Variants in STXBP5 observed in about 807,000 individuals in gnomAD.
The protein encoded by STXBP5 is syntaxin-binding protein 5.
STXBP5 carries 50 observed loss-of-function variants against 152.4 expected under a neutral mutation model. The observed-to-expected ratio is 0.33, with a 90% CI of 0.26 to 0.42. The LOEUF (loss-of-function observed/expected upper bound fraction) is 0.42, where lower values mean the gene tolerates loss of function less well. STXBP5 is among the 10% of genes least tolerant of loss of function. The pLI is 1.00. For synonymous variants in STXBP5, 492 were observed against 494.7 expected, an observed-to-expected ratio of 0.99 and a Z score of 0.07; for missense variants, 1,167 against 1,388.6, an observed-to-expected ratio of 0.84 and a Z score of 2.54.
chr6:147,271,948 A>G (rs1232270730), intron 7 of STXBP5, among the ~76,000 whole-genome samples: 1 of 152,140 alleles, frequency 6.6e-6, no homozygotes. Context: ...TCCAGTTTCT[A>G]CAGAAATACA....
At chr6:147,228,512 C>T (rs1157958781) in intron 2 of STXBP5, among the ~76,000 whole-genome samples, 1 of 152,006 alleles carries the variant, frequency 6.6e-6, no homozygotes, top group African/African-American at 2.4e-5. Flanking sequence ...TCTAAGGACC[C>T]ATGTTCATTA....
rs758958183 is a variant in STXBP5, at chr6:147,204,622, T to A, written c.90T>A (p.Pro30=). The A allele has an allele frequency of 2.5e-6, 4 of 1,610,408 alleles. No individual in the cohort carries two copies. In the Admixed American group the frequency reaches 6.7e-5, roughly 27 times the overall value. ...ASQQQQQQHP[P]GNREPEIQET... is the part of the protein sequence containing the mutation. ...AGCAGCAACAGCAGCAGCATCCGCC[T>A]GGGAACCGGGAGCCGGAGATCCAGG... Residue 30 remains proline, a synonymous_variant, in exon 1 of 28, where the codon CCT becomes CCA. Coordinates refer to ENST00000321680, the MANE Select transcript of STXBP5 (RefSeq NM_001127715.4). This position sits in a 1 kb window ranked among gnomAD's most constrained non-coding sequence, Gnocchi z 4.3.
At chr6:147,334,364 C>T in intron 19 of STXBP5, 142 bp downstream of exon 19, 1 of 661,576 alleles carries the variant, frequency 1.5e-6, no homozygotes, top group East Asian at 2.9e-5. Flanking sequence ...AAAATCTTAA[C>T]TGCATTCTTT....
chr6:147,348,390 G>A (rs1314062735), intron 21 of STXBP5, among the ~76,000 whole-genome samples: 2 of 149,014 alleles, frequency 1.3e-5, no homozygotes, highest in Non-Finnish European at 3.0e-5. Context: ...CCCACCCTGT[G>A]AAAGGCATGC....
At chr6:147,308,156 A>C (rs1406646570) in intron 9 of STXBP5, among the ~76,000 whole-genome samples, 1 of 152,182 alleles carries the variant, frequency 6.6e-6, no homozygotes, top group Non-Finnish European at 1.5e-5. Flanking sequence ...TCCTTGGATT[A>C]TTTGAATTCA....
At chr6:147,250,772 T>C (rs1779045543) in intron 4 of STXBP5, among the ~76,000 whole-genome samples, 1 of 152,122 alleles carries the variant, frequency 6.6e-6, no homozygotes, top group Non-Finnish European at 1.5e-5. Flanking sequence ...TGATATCTAA[T>C]TTATTAATAT....
intron 9 of STXBP5, among the ~76,000 whole-genome samples, chr6:147,294,744 G>A (rs1781437389): frequency 6.6e-6 from 1 of 152,098 alleles, no homozygotes; most frequent in Non-Finnish European, 1.5e-5. Context: ...AAATAGTTTT[G>A]CCAGTTGTGA....
intron 7 of STXBP5, among the ~76,000 whole-genome samples, chr6:147,267,662 T>C (rs1460115077): frequency 6.6e-6 from 1 of 152,126 alleles, no homozygotes; most frequent in Non-Finnish European, 1.5e-5. Flanking sequence ...GCATCCCCAT[T>C]GTCTTTAACA....
chr6:147,247,175 A>C (rs986489609), intron 4 of STXBP5, among the ~76,000 whole-genome samples: 3 of 152,248 alleles, frequency 2.0e-5, no homozygotes, highest in Non-Finnish European at 2.9e-5. Flanking sequence ...CACATGTTGA[A>C]CAAGGAAAAA....
chr6:147,206,088 A>G lies in STXBP5; in HGVS notation c.248+20A>G, dbSNP rs377524924. 6.3e-7 allele frequency: 1 copy of G among 1,598,862 alleles called. No individual in the cohort carries two copies. The highest frequency in any genetic ancestry group is 8.6e-7 in the Non-Finnish European group (1 of 1,166,450). On this transcript the variant is annotated intron_variant, in intron 2 of 27. Coordinates refer to ENST00000321680, the MANE Select transcript of STXBP5 (RefSeq NM_001127715.4). The stretch of plus-strand genomic sequence containing the variant: ...AAGGCTGTATCCTTTCTTTAATTTT[A>G]TTTTTTAACTTCTACTTTGTTCTCC...
chr6:147,247,087 A>G lies in STXBP5; in HGVS notation c.431+7817A>G, dbSNP rs192422821. Among the ~76,000 whole-genome samples, 12 of 152,348 alleles carry G rather than the reference A, an allele frequency of 7.9e-5. No individual in the cohort carries two copies. In the East Asian group the frequency reaches 2.3e-3, roughly 29 times the overall value. ...ATATTAGTAAGACATAACCTTAGAC[A>G]GTTATAAAAGAGTGTTTGGCTGAGT... is the stretch of plus-strand genomic sequence containing the variant. On this transcript the variant is annotated intron_variant, in intron 4 of 27. Coordinates refer to ENST00000321680, the MANE Select transcript of STXBP5 (RefSeq NM_001127715.4).
At chr6:147,369,126 T>C (rs1785428938) in intron 25 of STXBP5, among the ~76,000 whole-genome samples, 1 of 152,024 alleles carries the variant, frequency 6.6e-6, no homozygotes, top group Admixed American at 6.5e-5. Context: ...ATTTTTGGCA[T>C]TGAGATGAAT....
chr6:147,236,195 A>G (rs1778261015), intron 3 of STXBP5, among the ~76,000 whole-genome samples: 1 of 152,204 alleles, frequency 6.6e-6, no homozygotes, highest in Admixed American at 6.5e-5. Flanking sequence ...AAAAACCTCC[A>G]TAAAACTATA....
intron 18 of STXBP5, among the ~76,000 whole-genome samples, chr6:147,329,870 G>A (rs942609497): frequency 2.2e-4 from 34 of 151,656 alleles, no homozygotes; most frequent in Admixed American, 2.0e-3. Flanking sequence ...CTCATGATCC[G>A]CCCGCCTCGG....
At chr6:147,321,102 ATATT>A in intron 16 of STXBP5, among the ~76,000 whole-genome samples, 1 of 152,318 alleles carries the variant, frequency 6.6e-6, no homozygotes, top group East Asian at 1.9e-4. Flanking sequence ...TAAAATCTAT[ATATT>A]AGTGATTTTT....
chr6:147,358,185 T>C (rs1366282718), intron 22 of STXBP5, among the ~76,000 whole-genome samples: 1 of 151,590 alleles, frequency 6.6e-6, no homozygotes, highest in East Asian at 1.9e-4. Context: ...CTTTTATTGA[T>C]TAAAGGTTTT....
intron 9 of STXBP5, among the ~76,000 whole-genome samples, chr6:147,303,367 G>A (rs930060616): frequency 3.0e-4 from 46 of 152,250 alleles, no homozygotes; most frequent in East Asian, 1.4e-3. Context: ...TCTGTCATGT[G>A]AAGAAGGACA....
chr6:147,330,380 G>A (rs1277743502), intron 18 of STXBP5, among the ~76,000 whole-genome samples: 1 of 151,922 alleles, frequency 6.6e-6, no homozygotes, highest in Non-Finnish European at 1.5e-5. Flanking sequence ...TTTTTTCTCT[G>A]GAAAGTATGA....
rs181899683 is a variant in STXBP5 at position 147,332,950 on chromosome 6, C to T, written c.2081-1207C>T. The stretch of plus-strand genomic sequence containing the variant: ...CAACTCAAACCTCAAAGTGGTTTCC[C>T]CTAAGTATAATCTTTAGTAGCAGTT... On this transcript the variant is annotated intron_variant, in intron 18 of 27. Transcript: ENST00000321680. Among the ~76,000 whole-genome samples, 19 of 152,084 alleles carry T rather than the reference C, an allele frequency of 1.2e-4. No homozygotes were observed. The East Asian group carries it at 2.7e-3, about 22-fold the overall frequency.
Sources: allele counts gnomAD v4.1 joint callset (sites outside exome capture counted in the v4.1 genomes callset), GRCh38; gene constraint gnomAD v4.1.1; non-coding constraint Gnocchi (gnomAD v3.1); transcripts MANE v1.5; gene names NCBI Gene and HGNC (gene_info 2026-07-23, HGNC 2026-07-21).